Variants in AHCYL2 observed in about 807,000 individuals in gnomAD.
The protein encoded by AHCYL2 is adenosylhomocysteinase like 2.
Under a neutral mutation model 81.4 loss-of-function variants are expected in AHCYL2, and 28 were observed. The ratio of observed to expected loss-of-function variants is 0.34; its 90% CI spans 0.25 to 0.47. The LOEUF (loss-of-function observed/expected upper bound fraction) is 0.47. Ranked by LOEUF, AHCYL2 falls within the 20% of genes least tolerant of loss-of-function variation. AHCYL2 has a pLI of 1.00. For synonymous variants in AHCYL2, 272 were observed against 290.2 expected (o/e 0.94, Z 0.64); for missense variants, 551 against 785.1 (o/e 0.70, Z 3.56).
At chr7:129,421,360 T>C (rs1797112089) in intron 12 of AHCYL2, among the ~76,000 whole-genome samples, 2 of 152,224 alleles carry the variant, frequency 1.3e-5, no homozygotes, top group South Asian at 4.1e-4. Context: ...TTGTATAATA[T>C]TCCATTATAT....
chr7:129,423,477 A>G (rs900886325), intron 13 of AHCYL2, among the ~76,000 whole-genome samples: 1 of 152,080 alleles, frequency 6.6e-6, no homozygotes, highest in Non-Finnish European at 1.5e-5. Context: ...CATTGACACT[A>G]TTGACTTTCA....
At chr7:129,341,548 A>G (rs1793180664) in intron 1 of AHCYL2, among the ~76,000 whole-genome samples, 1 of 152,218 alleles carries the variant, frequency 6.6e-6, no homozygotes, top group Non-Finnish European at 1.5e-5. Flanking sequence ...AGAATTAACT[A>G]AAAGCATAGC....
chr7:129,266,661 G>T (rs772546637), intron 1 of AHCYL2, among the ~76,000 whole-genome samples: 24 of 152,180 alleles, frequency 1.6e-4, no homozygotes, highest in African/African-American at 3.4e-4. Flanking sequence ...ATATAATTGA[G>T]TATCTAATTT....
chr7:129,401,762 G>A (rs758113744), intron 6 of AHCYL2, among the ~76,000 whole-genome samples: 14 of 152,202 alleles, frequency 9.2e-5, no homozygotes, highest in Non-Finnish European at 1.5e-4. Flanking sequence ...TTTAAAGTCA[G>A]GAACCCAGGG....
At chr7:129,304,761 T>A (rs968247530) in intron 1 of AHCYL2, among the ~76,000 whole-genome samples, 2 of 152,184 alleles carry the variant, frequency 1.3e-5, no homozygotes, top group Non-Finnish European at 2.9e-5. Flanking sequence ...TCATTTTCAC[T>A]CTATATGTTT....
chr7:129,322,129 GTA>G (rs1216996998), intron 1 of AHCYL2, among the ~76,000 whole-genome samples: 1 of 144,250 alleles, frequency 6.9e-6, no homozygotes, highest in East Asian at 2.1e-4. Flanking sequence ...GTGTGTGTGT[GTA>G]TAGGAAGGTA....
intron 10 of AHCYL2, among the ~76,000 whole-genome samples, chr7:129,408,545 A>C (rs1410180586): frequency 6.6e-6 from 1 of 151,230 alleles, no homozygotes; most frequent in Non-Finnish European, 1.5e-5. Flanking sequence ...GAAAATAATA[A>C]GTTTATTTTC....
rs907896813 is a variant in AHCYL2 at position 129,429,814 on chromosome 7, G to C, written c.*2769G>C. On this transcript the variant is annotated 3_prime_UTR_variant, in exon 17 of 17. Transcript: ENST00000325006. The stretch of plus-strand genomic sequence containing the variant: ...CGGCTCCCCATGGCCACATACTCCT[G>C]CAAAGCTTTTATGCTGCTTCGCTTT... 10 of 152,478 alleles carry C rather than the reference G, an allele frequency of 6.6e-5. No individual in the cohort carries two copies. The highest frequency in any genetic ancestry group is 1.2e-4 in the Non-Finnish European group (8 of 68,016). 9.4% of individuals were successfully genotyped at this position (152,478 alleles called of 1,614,324 possible). A position where few individuals can be genotyped will look rare whatever the true frequency, so the allele number is the denominator to read the frequency against.
intron 1 of AHCYL2, among the ~76,000 whole-genome samples, chr7:129,338,318 T>C (rs1384853155): frequency 6.6e-6 from 1 of 152,054 alleles, no homozygotes; most frequent in East Asian, 1.9e-4. Flanking sequence ...CTGGCTAATT[T>C]GTAAATTTTT....
rs2150947064 is a variant in AHCYL2, at chr7:129,409,976, T to G, written c.1366+430T>G. ...GCTTAGAGTGCAAGTGAAGCATCAGTAATCTCATGCAGAAGATTTGTCTCT... is the reference window on the plus strand; with the variant it reads ...GCTTAGAGTGCAAGTGAAGCATCAGGAATCTCATGCAGAAGATTTGTCTCT... On this transcript the variant is annotated intron_variant, in intron 11 of 16. Coordinates refer to ENST00000325006, the MANE Select transcript of AHCYL2 (RefSeq NM_015328.4). 4.9e-6 allele frequency: 3 copies of G among 614,946 alleles called. No homozygotes were observed. The South Asian group carries it at 6.4e-5, about 13-fold the overall frequency. The allele number at this position is 614,946 out of a possible 1,614,324, so 38.1% of individuals were successfully genotyped here.
At position 129,346,277 on chromosome 7, in the gene AHCYL2, T is replaced by C. The variant is rs1176707378; in HGVS notation, c.364-33361T>C. 2.6e-5 allele frequency among the ~76,000 whole-genome samples: 4 copies of C among 152,306 alleles called. No individual in the cohort carries two copies. The South Asian group carries it at 6.2e-4, about 24-fold the overall frequency. ...TCTTTGCTGTTTCCTACTATGTGCC[T>C]TGAGTAGTTAAACTTCTCAGAGCCT... On this transcript the variant is annotated intron_variant, in intron 1 of 16. Transcript: ENST00000325006.
chr7:129,231,979 T>C (rs1794460159), intron 1 of AHCYL2, among the ~76,000 whole-genome samples: 1 of 152,136 alleles, frequency 6.6e-6, no homozygotes, highest in Non-Finnish European at 1.5e-5. Flanking sequence ...ATCTATTGGT[T>C]TGGGGCACCT....
chr7:129,234,114 G>T (rs536317450), intron 1 of AHCYL2, among the ~76,000 whole-genome samples: 2 of 152,070 alleles, frequency 1.3e-5, no homozygotes, highest in African/African-American at 4.8e-5. Context: ...GCAGTGGTGT[G>T]GTCATAGCTC....
chr7:129,260,137 G>A (rs1250901714), intron 1 of AHCYL2, among the ~76,000 whole-genome samples: 2 of 149,616 alleles, frequency 1.3e-5, no homozygotes, highest in Admixed American at 6.7e-5. Context: ...ATGTGCCTTA[G>A]TTATGCCTGC....
intron 1 of AHCYL2, among the ~76,000 whole-genome samples, chr7:129,247,837 A>G (rs1463378726): frequency 6.6e-6 from 1 of 152,166 alleles, no homozygotes; most frequent in African/African-American, 2.4e-5. Flanking sequence ...CCTGGGTTCA[A>G]TCAATCTGCC....
At position 129,234,743 on chromosome 7, in the gene AHCYL2, G is replaced by A. The variant is rs1300960301; in HGVS notation, c.363+9304G>A. ...ATTCCTCGCTTCAAGCAGTCCTTCT[G>A]CCTCACCCTCCCAAAGTGCTGGGAT... On this transcript the variant is annotated intron_variant, in intron 1 of 16. Coordinates refer to ENST00000325006, the MANE Select transcript of AHCYL2 (RefSeq NM_015328.4). Among the ~76,000 whole-genome samples, 4 of 151,844 alleles carry A rather than the reference G, an allele frequency of 2.6e-5. No homozygotes were observed. The East Asian group carries it at 7.7e-4, about 29-fold the overall frequency.
At chr7:129,386,930 T>G (rs1199248317) in intron 2 of AHCYL2, among the ~76,000 whole-genome samples, 1 of 152,184 alleles carries the variant, frequency 6.6e-6, no homozygotes, top group Non-Finnish European at 1.5e-5. Flanking sequence ...GTAAGAACCC[T>G]TAAAGATGTT....
intron 4 of AHCYL2, among the ~76,000 whole-genome samples, chr7:129,396,187 A>G (rs1052150580): frequency 6.6e-6 from 1 of 152,024 alleles, no homozygotes; most frequent in Non-Finnish European, 1.5e-5. Context: ...CAGTGGCACA[A>G]TCTCGGCTCA....
intron 1 of AHCYL2, among the ~76,000 whole-genome samples, chr7:129,322,360 G>C (rs1055842236): frequency 1.3e-5 from 2 of 150,854 alleles, no homozygotes; most frequent in South Asian, 2.1e-4. Flanking sequence ...GGCTGGTCTT[G>C]AACTCCTGAC....
Sources: allele counts gnomAD v4.1 joint callset (sites outside exome capture counted in the v4.1 genomes callset), GRCh38; gene constraint gnomAD v4.1.1; transcripts MANE v1.5; gene names NCBI Gene and HGNC (gene_info 2026-07-23, HGNC 2026-07-21).